Variants in CHUK observed in about 807,000 individuals in gnomAD.
The protein encoded by CHUK is inhibitor of nuclear factor kappa-B kinase subunit alpha.
A neutral mutation model predicts 104.8 loss-of-function variants in CHUK; 35 were observed. That is an observed-to-expected ratio of 0.33 (90% CI 0.26 to 0.44). The LOEUF (loss-of-function observed/expected upper bound fraction) is 0.44, where lower values mean the gene tolerates loss of function less well. CHUK is among the 20% of genes least tolerant of loss of function. The probability of loss-of-function intolerance (pLI) is 1.00; values close to 1 mark genes in which losing one functional copy is unlikely to be tolerated. For synonymous variants in CHUK, 276 were observed against 291.9 expected, an observed-to-expected ratio of 0.95 and a Z score of 0.56; for missense variants, 663 against 902.7, an observed-to-expected ratio of 0.73 and a Z score of 3.40.
intron 10 of CHUK, among the ~76,000 whole-genome samples, chr10:100,208,609 C>T (rs1359547735): frequency 1.3e-5 from 2 of 152,094 alleles, no homozygotes; most frequent in East Asian, 3.9e-4. Flanking sequence ...AGTGGCAAAA[C>T]CCCGTCTCTA....
At chr10:100,199,886 C>T (rs1845422998) in intron 16 of CHUK, 85 bp downstream of exon 16, 3 of 1,014,108 alleles carry the variant, frequency 3.0e-6, no homozygotes, top group African/African-American at 3.2e-5. Context: ...AAATTTTTAA[C>T]TTAAAAATAT....
At chr10:100,220,902 C>T (rs1845970955) in intron 4 of CHUK, among the ~76,000 whole-genome samples, 1 of 152,122 alleles carries the variant, frequency 6.6e-6, no homozygotes, top group Non-Finnish European at 1.5e-5. Flanking sequence ...TTAGAATTAA[C>T]ACCAAATAGA....
intron 8 of CHUK, 87 bp from the exon 9 acceptor site, chr10:100,218,217 T>A (rs1161156012): frequency 2.5e-6 from 3 of 1,195,264 alleles, no homozygotes; most frequent in Non-Finnish European, 3.7e-6. Flanking sequence ...TTGCAGGTTG[T>A]CCATTTTCTT....
chr10:100,201,897 G>C (rs1845471750), intron 14 of CHUK, among the ~76,000 whole-genome samples, 191 bp downstream of exon 14: 1 of 152,090 alleles, frequency 6.6e-6, no homozygotes, highest in Non-Finnish European at 1.5e-5. Flanking sequence ...TGAGGCACTA[G>C]GTAATTTTCC....
chr10:100,222,183 T>TA lies in CHUK; in HGVS notation c.316-3dup, dbSNP rs1411860186. 5.0e-6 allele frequency: 8 copies of TA among 1,584,776 alleles called. No homozygotes were observed. Among genetic ancestry groups the TA allele is most frequent in the Non-Finnish European group, 6.9e-6 (8 of 1,156,714 alleles). Reference sequence around the variant, plus strand: ...ACAATTTTCTGGTTTGTTGAGCAGCTAAAAAAAGAAAGAAATCTAAAAATC... The same window carrying TA: ...ACAATTTTCTGGTTTGTTGAGCAGCTAAAAAAAAGAAAGAAATCTAAAAATC... On this transcript the variant is annotated splice_polypyrimidine_tract_variant and splice_region_variant and intron_variant, in intron 3 of 20. Transcript: ENST00000370397.
chr10:100,189,328 AT>A lies in CHUK; in HGVS notation c.*269del. 2.3e-6 allele frequency: 1 copy of A among 435,568 alleles called. No homozygotes were observed. The highest frequency in any genetic ancestry group is 3.7e-5 in the Admixed American group (1 of 27,180). 27.0% of individuals were successfully genotyped at this position (435,568 alleles called of 1,614,324 possible). On this transcript the variant is annotated 3_prime_UTR_variant, in exon 21 of 21. Coordinates refer to ENST00000370397, the MANE Select transcript of CHUK (RefSeq NM_001278.5). ...GACTGAAGGCAAATGTGTCGTGATG[AT>A]GCTTCTAAATAGCTGTGGTATTAAA...
At chr10:100,215,213 T>TAAAAA (rs1564838522) in intron 9 of CHUK, among the ~76,000 whole-genome samples, 2 of 47,276 alleles carry the variant, frequency 4.2e-5, no homozygotes, top group African/African-American at 1.5e-4. Flanking sequence ...AGGCTCCATA[T>TAAAAA]CAAAAAAAAA....
intron 9 of CHUK, among the ~76,000 whole-genome samples, chr10:100,213,720 C>T (rs1845788424): frequency 6.6e-6 from 1 of 152,064 alleles, no homozygotes; most frequent in South Asian, 2.1e-4. Context: ...TGGGGTTTCA[C>T]CATGTTGGCC....
At chr10:100,194,340 T>G in intron 17 of CHUK, 85 bp downstream of exon 17, 2 of 1,156,652 alleles carry the variant, frequency 1.7e-6, no homozygotes, top group Non-Finnish European at 2.6e-6. Flanking sequence ...GTAAGTATAC[T>G]TTACCAAAGA....
At chr10:100,209,082 G>A (rs1195186619) in intron 10 of CHUK, among the ~76,000 whole-genome samples, 2 of 152,192 alleles carry the variant, frequency 1.3e-5, no homozygotes, top group Non-Finnish European at 2.9e-5. Flanking sequence ...TAAATTTACT[G>A]AGGCTCCAGA....
At chr10:100,223,494 C>A (rs182127227) in intron 2 of CHUK, among the ~76,000 whole-genome samples, 1 of 151,122 alleles carries the variant, frequency 6.6e-6, no homozygotes, top group Non-Finnish European at 1.5e-5. Flanking sequence ...AAAAATTAGC[C>A]GGGTGTGGTG....
chr10:100,224,583 C>G (rs1294133717), intron 2 of CHUK, among the ~76,000 whole-genome samples: 1 of 151,482 alleles, frequency 6.6e-6, no homozygotes, highest in African/African-American at 2.4e-5. Context: ...ATTACAGGCA[C>G]CCGCCACCAC....
intron 19 of CHUK, chr10:100,192,734 C>T: frequency 1.0e-6 from 1 of 987,428 alleles, no homozygotes; most frequent in East Asian, 1.1e-4. Flanking sequence ...CAGCTTTTAG[C>T]AAAAGAGTAG....
At chr10:100,220,238 T>C (rs1287009084) in intron 5 of CHUK, among the ~76,000 whole-genome samples, 1 of 152,036 alleles carries the variant, frequency 6.6e-6, no homozygotes, top group Admixed American at 6.6e-5. Context: ...AAGAATAAAA[T>C]AATAAGTGTT....
chr10:100,215,993 C>T, intron 9 of CHUK, among the ~76,000 whole-genome samples: 1 of 152,154 alleles, frequency 6.6e-6, no homozygotes, highest in Non-Finnish European at 1.5e-5. Flanking sequence ...TCTGCATAAC[C>T]TCATAATAAT....
chr10:100,202,037 A>G, intron 14 of CHUK, 51 bp downstream of exon 14: 1 of 1,307,944 alleles, frequency 7.6e-7, no homozygotes, highest in Admixed American at 1.7e-5. Context: ...ATAGTTTCTA[A>G]TGGAGACATC....
At chr10:100,190,598 A>G (rs1475307401) in intron 20 of CHUK, 8 of 470,454 alleles carry the variant, frequency 1.7e-5, no homozygotes, top group Non-Finnish European at 3.1e-5. Flanking sequence ...AAACCATTCA[A>G]TTTCAATGGT....
chr10:100,205,000 G>T, intron 12 of CHUK, 76 bp downstream of exon 12: 1 of 1,542,194 alleles, frequency 6.5e-7, no homozygotes, highest in Non-Finnish European at 9.0e-7. Flanking sequence ...ATATTGATTA[G>T]TGAAAACCGG....
intron 16 of CHUK, among the ~76,000 whole-genome samples, chr10:100,197,612 C>T (rs7911057): frequency 6.6e-6 from 1 of 152,010 alleles, no homozygotes; most frequent in African/African-American, 2.4e-5. Flanking sequence ...CCTATATTTA[C>T]GTTTTCTCTC....
Sources: gnomAD v4.1 joint callset for allele counts (sites outside exome capture counted in the v4.1 genomes callset) on GRCh38, gnomAD v4.1.1 for gene constraint, MANE v1.5 for transcripts, NCBI Gene and HGNC (gene_info 2026-07-23, HGNC 2026-07-21) for gene names.